Variants in PCDHA4 observed in about 807,000 individuals in gnomAD.
PCDHA4 encodes the protein protocadherin alpha 4, also known as protocadherin alpha-4.
A neutral mutation model predicts 61.4 loss-of-function variants in PCDHA4; 49 were observed. The observed-to-expected ratio is 0.80, with a 90% CI of 0.63 to 1.01. The LOEUF is 1.01. Ranked by LOEUF, PCDHA4 falls within the 50% of genes least tolerant of loss-of-function variation. PCDHA4 has a pLI of 0.00. For synonymous variants in PCDHA4, 590 were observed against 550.3 expected (o/e 1.07, Z -1.01); for missense variants, 1,254 against 1,235.8 (o/e 1.01, Z -0.22).
intron 1 of PCDHA4, among the ~76,000 whole-genome samples, chr5:140,887,879 A>G (rs956379948): frequency 1.3e-5 from 2 of 152,154 alleles, no homozygotes; most frequent in South Asian, 4.1e-4. Context: ...TTCCTTTTGT[A>G]GTATCATATC....
rs1554125312 is a variant in PCDHA4, at chr5:140,809,591, T to A, written c.2385+19T>A. 6.5e-7 allele frequency: 1 copy of A among 1,536,038 alleles called. No homozygotes were observed. The highest frequency in any genetic ancestry group is 8.8e-7 in the Non-Finnish European group (1 of 1,140,760). ...TGCAAAGGTTAGTGTATAACATCCTTTTGTTTAATTTTCGTATTGTTTTTC... is the reference window on the plus strand; with the variant it reads ...TGCAAAGGTTAGTGTATAACATCCTATTGTTTAATTTTCGTATTGTTTTTC... On this transcript the variant is annotated intron_variant, in intron 1 of 3. Coordinates refer to ENST00000530339, the MANE Select transcript of PCDHA4 (RefSeq NM_018907.4).
chr5:140,993,526 A>G (rs1554253825), intron 3 of PCDHA4, among the ~76,000 whole-genome samples: 1 of 147,824 alleles, frequency 6.8e-6, no homozygotes, highest in Admixed American at 6.7e-5. Flanking sequence ...AGAGAGACAG[A>G]GAGAGAGAGA....
chr5:140,863,699 T>C, intron 1 of PCDHA4: 1 of 299,368 alleles, frequency 3.3e-6, no homozygotes, highest in Non-Finnish European at 6.5e-6. Context: ...GATGCTTTAT[T>C]TAAAGTACAC....
chr5:140,898,358 A>T (rs2153460143), intron 1 of PCDHA4, among the ~76,000 whole-genome samples: 1 of 152,260 alleles, frequency 6.6e-6, no homozygotes, highest in Non-Finnish European at 1.5e-5. Flanking sequence ...TCTTGAATTA[A>T]TTTTTGTATA....
chr5:140,835,843 A>T, intron 1 of PCDHA4: 1 of 1,612,338 alleles, frequency 6.2e-7, no homozygotes, highest in Non-Finnish European at 8.5e-7. Context: ...GCGCAGAAGA[A>T]CGCGCTGGTG....
intron 1 of PCDHA4, chr5:140,862,939 T>G (rs2047666977): frequency 1.8e-6 from 1 of 541,782 alleles, no homozygotes; most frequent in South Asian, 1.4e-5. Flanking sequence ...GCGCTGTGAG[T>G]GAGCTGGTGC....
chr5:140,999,747 C>T (rs2097874058), intron 3 of PCDHA4, among the ~76,000 whole-genome samples: 1 of 152,008 alleles, frequency 6.6e-6, no homozygotes, highest in East Asian at 1.9e-4. Flanking sequence ...AATCTGGGTT[C>T]GCAGCACATG....
chr5:140,927,191 T>TG, intron 1 of PCDHA4: 1 of 1,614,144 alleles, frequency 6.2e-7, no homozygotes, highest in East Asian at 2.2e-5. Flanking sequence ...TACGACCTGG[T>TG]GCTCGAGGAC....
chr5:140,927,972 T>C, intron 1 of PCDHA4: 1 of 1,614,190 alleles, frequency 6.2e-7, no homozygotes, highest in Non-Finnish European at 8.5e-7. Context: ...CAGTGATTGC[T>C]CTCTTTAGTG....
At position 140,857,686 on chromosome 5, in the gene PCDHA4, C is replaced by A; in HGVS notation, c.2385+48114C>A. The A allele has an allele frequency of 3.8e-6, 6 of 1,597,184 alleles. 1 individual carries two copies. Among genetic ancestry groups the A allele is most frequent in the Non-Finnish European group, 5.1e-6 (6 of 1,167,762 alleles). ...ATGGGGGCGTGCCGCCTCTGGGCAG[C>A]AACTTGACGCTGCAGGTGTTCGTGC... On this transcript the variant is annotated intron_variant, in intron 1 of 3. Transcript: ENST00000530339.
At chr5:140,907,500 G>T (rs2073413620) in intron 1 of PCDHA4, among the ~76,000 whole-genome samples, 1 of 152,228 alleles carries the variant, frequency 6.6e-6, no homozygotes, top group Non-Finnish European at 1.5e-5. Flanking sequence ...TCCAGAGTAA[G>T]TGTCTATTCC....
chr5:140,871,499 G>T, intron 1 of PCDHA4: 1 of 1,584,436 alleles, frequency 6.3e-7, no homozygotes, highest in Admixed American at 1.8e-5. Flanking sequence ...GGACAGGTGA[G>T]TTTTCTACAG....
At chr5:140,941,334 T>C (rs1398027134) in intron 1 of PCDHA4, among the ~76,000 whole-genome samples, 2 of 133,354 alleles carry the variant, frequency 1.5e-5, no homozygotes, top group African/African-American at 5.5e-5. Flanking sequence ...TTTTTTTTTT[T>C]CAGATGGAGT....
intron 1 of PCDHA4, chr5:140,867,518 A>T (rs2050002627): frequency 6.6e-6 from 1 of 152,128 alleles, no homozygotes; most frequent in Non-Finnish European, 1.5e-5. Context: ...TCAAATTAAT[A>T]GTTGAATATA....
intron 1 of PCDHA4, chr5:140,870,717 T>C (rs782672690): frequency 4.3e-6 from 7 of 1,613,062 alleles, no homozygotes; most frequent in South Asian, 2.2e-5. Context: ...GCGCGCGCGA[T>C]GCGGGCGTGC....
chr5:140,942,840 T>C (rs75984395), intron 1 of PCDHA4, among the ~76,000 whole-genome samples: 6,117 of 152,206 alleles, frequency 0.04, 136 homozygotes, highest in Non-Finnish European at 0.052. Context: ...CAATAAAAAT[T>C]CCAGTAAGAT....
chr5:140,950,526 T>C (rs190195358), intron 1 of PCDHA4, among the ~76,000 whole-genome samples: 17 of 152,212 alleles, frequency 1.1e-4, no homozygotes, highest in Admixed American at 9.2e-4. Flanking sequence ...GATATGATTG[T>C]TTTTGTTGCT....
chr5:140,972,766 T>G (rs2096555102), intron 1 of PCDHA4, among the ~76,000 whole-genome samples: 1 of 149,250 alleles, frequency 6.7e-6, no homozygotes, highest in African/African-American at 2.5e-5. Flanking sequence ...CAAGTTAAAG[T>G]GATTCTTCTG....
intron 3 of PCDHA4, among the ~76,000 whole-genome samples, chr5:141,007,422 G>C (rs190866782): frequency 7.0e-6 from 1 of 143,592 alleles, no homozygotes; most frequent in Non-Finnish European, 1.5e-5. Flanking sequence ...AAAAAAATTA[G>C]CCAGGCATGG....
Sources: allele counts gnomAD v4.1 joint callset (sites outside exome capture counted in the v4.1 genomes callset), GRCh38; gene constraint gnomAD v4.1.1; transcripts MANE v1.5; gene names NCBI Gene and HGNC (gene_info 2026-07-23, HGNC 2026-07-21).